The following PLEKHG4B variants were observed in gnomAD, a reference collection of about 807,000 sequenced individuals.
The protein encoded by PLEKHG4B is pleckstrin homology and RhoGEF domain containing G4B, also known as pleckstrin homology domain-containing family G member 4B.
Under a neutral mutation model 121.3 loss-of-function variants are expected in PLEKHG4B, and 111 were observed. That is an observed-to-expected ratio of 0.92 (90% CI 0.78 to 1.07). PLEKHG4B has a LOEUF of 1.07. Ranked by LOEUF, PLEKHG4B falls within the 50% of genes least tolerant of loss-of-function variation. PLEKHG4B has a pLI of 0.00. For synonymous variants in PLEKHG4B, 738 were observed against 725.0 expected (o/e 1.02, Z -0.29); for missense variants, 1,831 against 1,757.8 (o/e 1.04, Z -0.74).
Position 92,328 on chromosome 5 carries a change from A to AGAGGCGGGTGGGGGCGCCGGG in PLEKHG4B, c.45+53_45+54insAGGCGGGTGGGGGCGCCGGGG. On this transcript the variant is annotated intron_variant, in intron 1 of 19. Transcript: ENST00000637938. ...GGGTGGGGGCGCGAGCGGACGCGGG[A>AGAGGCGGGTGGGGGCGCCGGG]GTAGGGGCGGGTGGGGGCGCGGGGG... The AGAGGCGGGTGGGGGCGCCGGG allele has an allele frequency of 3.0e-3, 3 of 1,016 alleles. 1 individual carries two copies. Among genetic ancestry groups the AGAGGCGGGTGGGGGCGCCGGG allele is most frequent in the South Asian group, 0.083 (1 of 12 alleles). 0.1% of individuals were successfully genotyped at this position (1,016 alleles called of 1,614,324 possible).
In PLEKHG4B at chr5:163,322, C is replaced by T. The variant is rs2126439019; in HGVS notation, c.3250C>T (p.Gln1084Ter). ...CCAGAAGAAAATGATAAAGAAAACGCAAAGTTTCGAGATACCTCAGCCCGA... is the reference window on the plus strand; with the variant it reads ...CCAGAAGAAAATGATAAAGAAAACGTAAAGTTTCGAGATACCTCAGCCCGA... ...HPQKKMIKKT[Q>*]SFEIPQPDSG... The change falls in exon 13 of 20, where the codon CAA becomes TAA. Residue 1084 changes from glutamine (Q) to a stop codon, truncating the protein, a stop_gained. Coordinates refer to ENST00000637938, the MANE Select transcript of PLEKHG4B (RefSeq NM_052909.5). LOFTEE classifies it high-confidence loss of function. 1 of 1,613,460 alleles carries T rather than the reference C, an allele frequency of 6.2e-7. No homozygotes were observed. The highest frequency in any genetic ancestry group is 2.2e-5 in the East Asian group (1 of 44,884).
Position 137,128 on chromosome 5 carries a change from C to A in PLEKHG4B, c.244-2355C>A, listed in dbSNP as rs984548544. ...ACGTGCCACATGTGGCATGGATAGA[C>A]CTTGAGGATACTGTGCCAATGGATA... On this transcript the variant is annotated intron_variant, in intron 2 of 19. Coordinates refer to ENST00000637938, the MANE Select transcript of PLEKHG4B (RefSeq NM_052909.5). This position sits in a 1 kb window ranked among gnomAD's most constrained non-coding sequence, Gnocchi z 4.2. 6.6e-6 allele frequency among the ~76,000 whole-genome samples: 1 copy of A among 152,158 alleles called. No homozygotes were observed. The highest frequency in any genetic ancestry group is 1.5e-5 in the Non-Finnish European group (1 of 68,022).
Position 173,905 on chromosome 5 carries a change from T to C in PLEKHG4B, c.4222-13T>C. ...TTCCTGATGGTGCTGCAATGGGTGT[T>C]TGCTGACTGCAGACGGCCGAGATCG... is the stretch of plus-strand genomic sequence containing the variant. On this transcript the variant is annotated splice_polypyrimidine_tract_variant and intron_variant, in intron 17 of 19. Transcript: ENST00000637938. 6.2e-7 allele frequency: 1 copy of C among 1,611,654 alleles called. No individual in the cohort carries two copies. Among genetic ancestry groups the C allele is most frequent in the Non-Finnish European group, 8.5e-7 (1 of 1,179,114 alleles).
intron 1 of PLEKHG4B, among the ~76,000 whole-genome samples, chr5:107,092 C>T (rs942996844): frequency 7.9e-5 from 12 of 152,334 alleles, no homozygotes; most frequent in African/African-American, 2.2e-4. Context: ...CCACCTCTCT[C>T]GGGCTTTAGG....
chr5:100,217 G>A (rs1733764217), intron 1 of PLEKHG4B, among the ~76,000 whole-genome samples: 1 of 152,106 alleles, frequency 6.6e-6, no homozygotes, highest in African/African-American at 2.4e-5. Context: ...TGTAAATTTT[G>A]AAATAAGAAA....
chr5:160,328 CTG>C (rs1194671407), intron 11 of PLEKHG4B, among the ~76,000 whole-genome samples: 1 of 152,238 alleles, frequency 6.6e-6, no homozygotes, highest in Non-Finnish European at 1.5e-5. Context: ...CCTTCACAGC[CTG>C]TGGGTGTTGA....
chr5:115,061 A>C (rs1180809659), intron 2 of PLEKHG4B, among the ~76,000 whole-genome samples: 2 of 152,282 alleles, frequency 1.3e-5, no homozygotes, highest in Non-Finnish European at 2.9e-5. Flanking sequence ...CATCAGAGGA[A>C]TCACTCTCTA....
intron 1 of PLEKHG4B, among the ~76,000 whole-genome samples, chr5:104,407 AGTATCCACC>A (rs1733914325): frequency 6.6e-6 from 1 of 152,256 alleles, no homozygotes; most frequent in African/African-American, 2.4e-5. Context: ...CTTAACATGC[AGTATCCACC>A]GTATCCAGCA....
rs1292159443 is a variant in PLEKHG4B at position 183,991 on chromosome 5, C to CGATCGATCGATCGATA, written c.*1671_*1672insCGATCGATCGATAGAT. On this transcript the variant is annotated 3_prime_UTR_variant, in exon 20 of 20. Transcript: ENST00000637938. ...CAGACAGATAGATAGATAGATAGAT[C>CGATCGATCGATCGATA]GATAGATAGATAGATAGATAGATAG... 31 of 104,706 alleles carry CGATCGATCGATCGATA rather than the reference C, an allele frequency of 3.0e-4. No individual in the cohort carries two copies. The highest frequency in any genetic ancestry group is 7.6e-4 in the African/African-American group (26 of 34,226). The allele number at this position is 104,706 out of a possible 1,614,324, so 6.5% of individuals were successfully genotyped here. A position where few individuals can be genotyped will look rare whatever the true frequency, so the allele number is the denominator to read the frequency against.
rs1463873278 is a variant in PLEKHG4B, at chr5:163,411, A to T, written c.3339A>T (p.Val1113=). ...GTGTCTTCAGCAAGGGCCTGGAGGT[A>T]ACCAGCACTGTAGCCACAGAGAAGA... ...HTSVFSKGLE[V]TSTVATEKKL... Residue 1113 remains valine, a synonymous_variant, in exon 13 of 20, where the codon GTA becomes GTT. Coordinates refer to ENST00000637938, the MANE Select transcript of PLEKHG4B (RefSeq NM_052909.5). The T allele has an allele frequency of 3.1e-6, 5 of 1,613,020 alleles. No homozygotes were observed. Among genetic ancestry groups the T allele is most frequent in the Middle Eastern group, 1.6e-4 (1 of 6,062 alleles).
rs1162641058 is a variant in PLEKHG4B, at chr5:156,207, G to T, written c.2345G>T (p.Ser782Ile). The change falls in exon 10 of 20, where the codon AGC (serine) becomes ATC (isoleucine). Residue 782 changes from serine to isoleucine, a missense_variant. Physicochemically the swap from Ser to Ile is moderately radical, Grantham distance 142 (BLOSUM62 -2). Coordinates refer to ENST00000637938, the MANE Select transcript of PLEKHG4B (RefSeq NM_052909.5). This position sits in a 1 kb window ranked among gnomAD's most constrained non-coding sequence, Gnocchi z 4.4. ...LRREELGTEDSRDTLEAATSL... is the reference protein window; with the variant it reads ...LRREELGTEDIRDTLEAATSL... ...AGAGAAGAGCTTGGCACAGAAGACA[G>T]CCGGTGAGCGCTCACAGGGGTCATG... is the stretch of plus-strand genomic sequence containing the variant. The T allele has an allele frequency of 1.3e-5, 19 of 1,510,120 alleles. No individual in the cohort carries two copies. The highest frequency in any genetic ancestry group is 1.7e-5 in the Non-Finnish European group (19 of 1,124,632). 93.5% of individuals were successfully genotyped at this position (1,510,120 alleles called of 1,614,324 possible). A position where few individuals can be genotyped will look rare whatever the true frequency, so the allele number is the denominator to read the frequency against.
chr5:175,888 T>C lies in PLEKHG4B; in HGVS notation c.4402+1790T>C, dbSNP rs564158561. 3.1e-3 allele frequency among the ~76,000 whole-genome samples: 134 copies of C among 43,768 alleles called. 6 individuals are homozygous for C. The highest frequency in any genetic ancestry group is 0.025 in the African/African-American group (122 of 4,880). 28.7% of individuals were successfully genotyped at this position (43,768 alleles called of 152,430 possible). A position where few individuals can be genotyped will look rare whatever the true frequency, so the allele number is the denominator to read the frequency against. On this transcript the variant is annotated intron_variant, in intron 18 of 19. Coordinates refer to ENST00000637938, the MANE Select transcript of PLEKHG4B (RefSeq NM_052909.5). Reference sequence around the variant, plus strand: ...GACACGACCAGGGCTCCTGCACGGCTGCACCCCGCCTGAGCCCTGACCCCT... The same window carrying C: ...GACACGACCAGGGCTCCTGCACGGCCGCACCCCGCCTGAGCCCTGACCCCT...
At position 111,324 on chromosome 5, in the gene PLEKHG4B, G is replaced by C. The variant is rs113269554; in HGVS notation, c.46-1927G>C. On this transcript the variant is annotated intron_variant, in intron 1 of 19. Coordinates refer to ENST00000637938, the MANE Select transcript of PLEKHG4B (RefSeq NM_052909.5). ...CTCTGGCCTGGCCCAGGCCCTGAGT[G>C]GCCCCAGTGGGAGTCATCCTGGGGA... Among the ~76,000 whole-genome samples, 595 of 152,362 alleles carry C rather than the reference G, an allele frequency of 3.9e-3. 2 individuals carry two copies. The highest frequency in any genetic ancestry group is 0.013 in the African/African-American group (546 of 41,590).
intron 2 of PLEKHG4B, among the ~76,000 whole-genome samples, chr5:116,233 G>A (rs149477108): frequency 6.6e-6 from 1 of 152,224 alleles, no homozygotes; most frequent in African/African-American, 2.4e-5. Context: ...GGCCAAGTCA[G>A]TGGAGCAGAC....
chr5:182,530 AAAAC>A lies in PLEKHG4B; in HGVS notation c.*212_*215del. 1 of 588,198 alleles carries A rather than the reference AAAAC, an allele frequency of 1.7e-6. No individual in the cohort carries two copies. Among genetic ancestry groups the A allele is most frequent in the Non-Finnish European group, 2.9e-6 (1 of 341,128 alleles). 36.4% of individuals were successfully genotyped at this position (588,198 alleles called of 1,614,324 possible). A position where few individuals can be genotyped will look rare whatever the true frequency, so the allele number is the denominator to read the frequency against. ...AAATTTATAATTTTGTCTTATTTAA[AAAAC>A]AAACCTTCCACTTCCACCCAAGACA... On this transcript the variant is annotated 3_prime_UTR_variant, in exon 20 of 20. Coordinates refer to ENST00000637938, the MANE Select transcript of PLEKHG4B (RefSeq NM_052909.5).
chr5:169,629 G>T, intron 14 of PLEKHG4B, 37 bp downstream of exon 14: 15 of 1,604,654 alleles, frequency 9.3e-6, no homozygotes, highest in Non-Finnish European at 1.3e-5. Flanking sequence ...CGGGCAACGT[G>T]GTGGGTGAAG....
intron 2 of PLEKHG4B, among the ~76,000 whole-genome samples, chr5:138,412 T>C (rs1735048255): frequency 6.6e-6 from 1 of 152,246 alleles, no homozygotes; most frequent in South Asian, 2.1e-4. Context: ...GGGATGCTCA[T>C]ACTCGATTTT....
intron 6 of PLEKHG4B, among the ~76,000 whole-genome samples, chr5:146,521 G>T (rs1735421380): frequency 8.2e-6 from 1 of 121,566 alleles, no homozygotes; most frequent in Admixed American, 8.2e-5. Flanking sequence ...CCCCACTGTG[G>T]CCCTCCTTCC....
rs978410805 is a variant in PLEKHG4B, at chr5:137,942, G to A, written c.244-1541G>A. 3.3e-5 allele frequency among the ~76,000 whole-genome samples: 5 copies of A among 152,380 alleles called. No homozygotes were observed. The highest frequency in any genetic ancestry group is 5.9e-5 in the Non-Finnish European group (4 of 68,040). The stretch of plus-strand genomic sequence containing the variant: ...ACAGCTCCTCAGGCCGCCTCGCAGC[G>A]TCTGGGGAGGGTGTCAAGGAGCCGC... On this transcript the variant is annotated intron_variant, in intron 2 of 19. Coordinates refer to ENST00000637938, the MANE Select transcript of PLEKHG4B (RefSeq NM_052909.5). This position sits in a 1 kb window ranked among gnomAD's most constrained non-coding sequence, Gnocchi z 4.2.
Sources: gnomAD v4.1 joint callset for allele counts (sites outside exome capture counted in the v4.1 genomes callset) on GRCh38, gnomAD v4.1.1 for gene constraint, Gnocchi (gnomAD v3.1) non-coding constraint, MANE v1.5 for transcripts, NCBI Gene and HGNC (gene_info 2026-07-23, HGNC 2026-07-21) for gene names.